Variants in NIPAL3 observed in about 807,000 individuals in gnomAD.
The protein encoded by NIPAL3 is NIPA like domain containing 3.
Under a neutral mutation model 47.2 loss-of-function variants are expected in NIPAL3, and 41 were observed. The ratio of observed to expected loss-of-function variants is 0.87; its 90% CI spans 0.68 to 1.13. The LOEUF (loss-of-function observed/expected upper bound fraction) is 1.13. Among genes scored for constraint, NIPAL3 ranks in the 50% most tolerant of loss-of-function variants. The pLI, the probability that NIPAL3 is intolerant of heterozygous loss-of-function variation, is 0.00. For synonymous variants in NIPAL3, 194 were observed against 209.6 expected, an observed-to-expected ratio of 0.93 and a Z score of 0.64; for missense variants, 449 against 530.1, an observed-to-expected ratio of 0.85 and a Z score of 1.50.
intron 11 of NIPAL3, chr1:24,466,317 TA>T: frequency 2.7e-6 from 1 of 371,412 alleles, no homozygotes. Flanking sequence ...TAAAAATAAA[TA>T]AATAAATAAA....
chr1:24,443,635 C>G (rs555877561), intron 4 of NIPAL3, among the ~76,000 whole-genome samples: 2 of 152,330 alleles, frequency 1.3e-5, no homozygotes, highest in African/African-American at 2.4e-5. Flanking sequence ...TTTCCCTGAT[C>G]CTGTTATAAG....
intron 11 of NIPAL3, 30 bp from the exon 12 acceptor site, chr1:24,468,956 A>C (rs781575823): frequency 3.7e-6 from 6 of 1,610,184 alleles, no homozygotes; most frequent in Non-Finnish European, 5.1e-6. Flanking sequence ...TTACCGCGTA[A>C]TGATTTGGAG....
intron 7 of NIPAL3, chr1:24,453,971 G>T (rs527539355): frequency 2.2e-6 from 1 of 449,754 alleles, no homozygotes; most frequent in South Asian, 1.6e-5. Flanking sequence ...AGAGGGATGG[G>T]TGCTGTGGAA....
intron 11 of NIPAL3, 111 bp from the exon 12 acceptor site, chr1:24,468,875 A>T: frequency 1.1e-6 from 1 of 946,282 alleles, no homozygotes; most frequent in Non-Finnish European, 1.6e-6. Context: ...TTGACAATGC[A>T]CATGATTAGC....
chr1:24,458,783 C>G lies in NIPAL3; in HGVS notation c.774-105C>G. 11 of 865,744 alleles carry G rather than the reference C, an allele frequency of 1.3e-5. No homozygotes were observed. In the South Asian group the frequency reaches 1.5e-4, roughly 12 times the overall value. 53.6% of individuals were successfully genotyped at this position (865,744 alleles called of 1,614,324 possible). A position where few individuals can be genotyped will look rare whatever the true frequency, so the allele number is the denominator to read the frequency against. On this transcript the variant is annotated intron_variant, in intron 8 of 11. Transcript: ENST00000374399. Reference sequence around the variant, plus strand: ...CATTTTTAGAAACCCAAGGAACATTCCTAAATGTATCATCTTCATATTTCA... The same window carrying G: ...CATTTTTAGAAACCCAAGGAACATTGCTAAATGTATCATCTTCATATTTCA...
chr1:24,432,809 G>A (rs571511247), intron 2 of NIPAL3, among the ~76,000 whole-genome samples: 13 of 152,324 alleles, frequency 8.5e-5, no homozygotes, highest in Admixed American at 3.3e-4. Flanking sequence ...GTTAGTTTAT[G>A]ATTATCATTG....
At chr1:24,467,476 CA>C (rs1251082512) in intron 11 of NIPAL3, among the ~76,000 whole-genome samples, 1 of 151,466 alleles carries the variant, frequency 6.6e-6, no homozygotes, top group Non-Finnish European at 1.5e-5. Context: ...GACTCCGTCT[CA>C]AAAAAAATAA....
At position 24,416,068 on chromosome 1, in the gene NIPAL3, T is replaced by A; in HGVS notation, c.-258+164T>A. ...CGTTGCCTTGGAATGTTCTTTCCAG[T>A]TTTGCATCGAGGCCAAGAGGAGCGG... On this transcript the variant is annotated intron_variant, in intron 1 of 11. Transcript: ENST00000374399. The surrounding 1 kb of genome is among the most constrained non-coding windows in gnomAD (Gnocchi z 4.8). The A allele has an allele frequency of 1.0e-6, 1 of 985,620 alleles. No individual in the cohort carries two copies. Among genetic ancestry groups the A allele is most frequent in the Non-Finnish European group, 1.2e-6 (1 of 830,110 alleles). The allele number at this position is 985,620 out of a possible 1,614,324, so 61.1% of individuals were successfully genotyped here. A position where few individuals can be genotyped will look rare whatever the true frequency, so the allele number is the denominator to read the frequency against.
rs964709493 is a variant in NIPAL3 at position 24,436,492 on chromosome 1, C to CT, written c.94-3667dup. Among the ~76,000 whole-genome samples, 1,113 of 144,680 alleles carry CT rather than the reference C, an allele frequency of 7.7e-3. 8 individuals are homozygous for CT. The highest frequency in any genetic ancestry group is 0.016 in the African/African-American group (632 of 39,674). The allele number at this position is 144,680 out of a possible 152,430, so 94.9% of individuals were successfully genotyped here. A position where few individuals can be genotyped will look rare whatever the true frequency, so the allele number is the denominator to read the frequency against. ...GCATTCAGAATTGTCTTATGTTTGT[C>CT]TTTTTTTTTTTTTGAGACGGAGTTT... On this transcript the variant is annotated intron_variant, in intron 2 of 11. Transcript: ENST00000374399.
In NIPAL3 at chr1:24,442,071, G is replaced by T. The variant is rs554083957; in HGVS notation, c.179G>T (p.Arg60Leu). ...ALNLQKYCHI[R>L]LAGSKDPRAY... ...GGTTTCTAGAAGTACTGCCACATCCGCCTGGCAGGCTCCAAGGATCCCCGG... is the reference window on the plus strand; with the variant it reads ...GGTTTCTAGAAGTACTGCCACATCCTCCTGGCAGGCTCCAAGGATCCCCGG... Residue 60 changes from arginine (R) to leucine (L), a missense_variant, in exon 4 of 12, where the codon CGC (arginine) becomes CTC (leucine). Physicochemically the swap from Arg to Leu is moderately radical, Grantham distance 102. Transcript: ENST00000374399. 4 of 1,613,688 alleles carry T rather than the reference G, an allele frequency of 2.5e-6. No individual in the cohort carries two copies. The highest frequency in any genetic ancestry group is 1.1e-5 in the South Asian group (1 of 91,032).
intron 9 of NIPAL3, 143 bp downstream of exon 9, chr1:24,459,119 C>A: frequency 1.4e-6 from 1 of 708,512 alleles, no homozygotes; most frequent in Non-Finnish European, 2.4e-6. Flanking sequence ...GATTTCCAGA[C>A]AGAGAGACCC....
chr1:24,464,150 A>C (rs1045402112), intron 11 of NIPAL3, 30 bp downstream of exon 11: 7 of 1,557,484 alleles, frequency 4.5e-6, no homozygotes, highest in Non-Finnish European at 6.2e-6. Flanking sequence ...GGTCTAGCTG[A>C]ACATCCATAT....
intron 11 of NIPAL3, 28 bp downstream of exon 11, chr1:24,464,148 T>C (rs769962171): frequency 1.3e-6 from 2 of 1,561,624 alleles, no homozygotes; most frequent in Non-Finnish European, 1.8e-6. Flanking sequence ...TGGGTCTAGC[T>C]GAACATCCAT....
intron 9 of NIPAL3, 29 bp from the exon 10 acceptor site, chr1:24,460,452 G>A (rs779676855): frequency 6.4e-7 from 1 of 1,573,490 alleles, no homozygotes; most frequent in South Asian, 1.2e-5. Flanking sequence ...AAACAGCTCA[G>A]CGGTATTTTC....
Position 24,458,882 on chromosome 1 carries a change from T to C in NIPAL3, c.774-6T>C. 1 of 1,613,546 alleles carries C rather than the reference T, an allele frequency of 6.2e-7. No individual in the cohort carries two copies. Among genetic ancestry groups the C allele is most frequent in the Non-Finnish European group, 8.5e-7 (1 of 1,179,476 alleles). ...GCCCACTGACTGGAGTGCTTTTGTG[T>C]TGAAGGTTTTTGAGTCAAGCCTCAC... is the stretch of plus-strand genomic sequence containing the variant. On this transcript the variant is annotated splice_region_variant and splice_polypyrimidine_tract_variant and intron_variant, in intron 8 of 11. Coordinates refer to ENST00000374399, the MANE Select transcript of NIPAL3 (RefSeq NM_020448.5).
chr1:24,465,914 C>G lies in NIPAL3; in HGVS notation c.1021+1794C>G, dbSNP rs148457473. 1.8e-3 allele frequency: 2,599 copies of G among 1,459,288 alleles called. 10 individuals carry two copies. Among genetic ancestry groups the G allele is most frequent in the Middle Eastern group, 0.01 (56 of 5,578 alleles). The allele number at this position is 1,459,288 out of a possible 1,614,324, so 90.4% of individuals were successfully genotyped here. ...GGCAGGTAGAACATGCAGAATAAAA[C>G]TGCTGAACAGTCTCAGTCTAAACAG... On this transcript the variant is annotated intron_variant, in intron 11 of 11. Coordinates refer to ENST00000374399, the MANE Select transcript of NIPAL3 (RefSeq NM_020448.5).
At position 24,449,627 on chromosome 1, in the gene NIPAL3, G is replaced by A. The variant is rs1277310524; in HGVS notation, c.540+1G>A. 3 of 1,612,564 alleles carry A rather than the reference G, an allele frequency of 1.9e-6. No homozygotes were observed. ...GAGCTGGCCTTTCCTTTTGTACATG[G>A]TAAGAGAAGCCTCCAGTCGTTCCCC... On this transcript the variant is annotated splice_donor_variant, in intron 6 of 11. Coordinates refer to ENST00000374399, the MANE Select transcript of NIPAL3 (RefSeq NM_020448.5). LOFTEE classifies it high-confidence loss of function. This position sits in a 1 kb window ranked among gnomAD's most constrained non-coding sequence, Gnocchi z 4.5.
intron 9 of NIPAL3, 128 bp downstream of exon 9, chr1:24,459,104 T>A: frequency 2.5e-6 from 2 of 794,448 alleles, no homozygotes; most frequent in Non-Finnish European, 4.2e-6. Flanking sequence ...ATGGAGAATG[T>A]GCAGGATTTC....
rs1645824515 is a variant in NIPAL3, at chr1:24,449,425, ACTGT to A, written c.395-55_395-52del. The A allele has an allele frequency of 1.3e-6, 2 of 1,596,126 alleles. No homozygotes were observed. Among genetic ancestry groups the A allele is most frequent in the Admixed American group, 1.7e-5 (1 of 59,742 alleles). On this transcript the variant is annotated intron_variant, in intron 5 of 11. Transcript: ENST00000374399. This position sits in a 1 kb window ranked among gnomAD's most constrained non-coding sequence, Gnocchi z 4.5. ...TGTTTTTTCATGGCTGAGAACGTGTACTGTATCTTGGGCCTGTTGTTGCAATGAG... is the reference window on the plus strand; with the variant it reads ...TGTTTTTTCATGGCTGAGAACGTGTAATCTTGGGCCTGTTGTTGCAATGAG...
Sources: gnomAD v4.1 joint callset for allele counts (sites outside exome capture counted in the v4.1 genomes callset) on GRCh38, gnomAD v4.1.1 for gene constraint, Gnocchi (gnomAD v3.1) non-coding constraint, MANE v1.5 for transcripts, NCBI Gene and HGNC (gene_info 2026-07-23, HGNC 2026-07-21) for gene names.